Variants in CASD1 observed in about 807,000 individuals in gnomAD.
CASD1 encodes CAS1 domain sialic acid O acetyltransferase 1.
In CASD1, 41 loss-of-function variants were observed where a neutral mutation model predicts 100.0. The observed-to-expected ratio is 0.41, with a 90% CI of 0.32 to 0.53. The LOEUF (loss-of-function observed/expected upper bound fraction) is 0.53. Among genes scored for constraint, CASD1 ranks in the 20% least tolerant of loss-of-function variants. The probability of loss-of-function intolerance (pLI) is 0.25; values close to 1 mark genes in which losing one functional copy is unlikely to be tolerated. For synonymous variants in CASD1, 321 were observed against 315.6 expected, an observed-to-expected ratio of 1.02 and a Z score of -0.18; for missense variants, 774 against 948.7, an observed-to-expected ratio of 0.82 and a Z score of 2.42.
chr7:94,542,274 A>G (rs1278800207), intron 10 of CASD1, among the ~76,000 whole-genome samples: 1 of 152,208 alleles, frequency 6.6e-6, no homozygotes, highest in African/African-American at 2.4e-5. Context: ...CTCTAGAGCT[A>G]GACTCTCTGC....
At position 94,536,219 on chromosome 7, in the gene CASD1, G is replaced by A. The variant is rs141221554; in HGVS notation, c.843+696G>A. Among the ~76,000 whole-genome samples, 213 of 152,168 alleles carry A rather than the reference G, an allele frequency of 1.4e-3. 1 individual carries two copies. The East Asian group carries it at 0.018, about 13-fold the overall frequency. The stretch of plus-strand genomic sequence containing the variant: ...GATCCCGCCACTGCACTCCAGCCTG[G>A]GTGACAGAGAGAGACTCCATCTCAA... On this transcript the variant is annotated intron_variant, in intron 8 of 17. Coordinates refer to ENST00000297273, the MANE Select transcript of CASD1 (RefSeq NM_022900.5).
At chr7:94,597,459 C>T in the CASD1 span, 3 of 152,106 alleles carry the variant, frequency 2.0e-5, no homozygotes, top group Non-Finnish European at 2.9e-5. Flanking sequence ...ACAGAATAAG[C>T]ACTCAATGGG....
intron 1 of CASD1, 133 bp downstream of exon 1, chr7:94,510,350 C>T (rs958980113): frequency 3.5e-5 from 21 of 595,210 alleles, no homozygotes; most frequent in Middle Eastern, 1.1e-3. Flanking sequence ...AGGCGGTTCC[C>T]CCAGGTGTCC....
chr7:94,558,908 T>C (rs965838081), downstream of CASD1, among the ~76,000 whole-genome samples: 5 of 152,104 alleles, frequency 3.3e-5, no homozygotes, highest in South Asian at 2.1e-4. Context: ...CAAGCAATTC[T>C]CCTGCCTCAG....
At chr7:94,547,218 T>A (rs200389651) in intron 13 of CASD1, 43 bp downstream of exon 13, 1 of 1,417,508 alleles carries the variant, frequency 7.1e-7, no homozygotes, top group African/African-American at 1.4e-5. Flanking sequence ...ATATTTTATT[T>A]TAAAGTTCAA....
intron 8 of CASD1, among the ~76,000 whole-genome samples, chr7:94,536,831 A>G (rs925821515): frequency 2.2e-4 from 33 of 152,336 alleles, no homozygotes; most frequent in African/African-American, 7.9e-4. Context: ...ATTTTATTAT[A>G]ATCAAACCAT....
the CASD1 span, among the ~76,000 whole-genome samples, chr7:94,564,158 A>T: frequency 6.6e-6 from 1 of 152,222 alleles, no homozygotes; most frequent in African/African-American, 2.4e-5. Flanking sequence ...TCTGATTAGA[A>T]TGGAAAGAAC....
chr7:94,601,509 ACATTAATTGAGCTG>A, the CASD1 span, among the ~76,000 whole-genome samples: 144 of 147,414 alleles, frequency 9.8e-4, no homozygotes, highest in African/African-American at 3.5e-3. Flanking sequence ...ATTTACCTCC[ACATTAATTGAGCTG>A]CTTTCACTGA....
At chr7:94,561,405 C>G (rs991619771), downstream of CASD1, among the ~76,000 whole-genome samples, 3 of 152,136 alleles carry the variant, frequency 2.0e-5, no homozygotes, top group African/African-American at 7.2e-5. Flanking sequence ...GGAAGAACAT[C>G]AGGAAACCAC....
the CASD1 span, among the ~76,000 whole-genome samples, chr7:94,612,166 A>ATTGAT: frequency 6.6e-6 from 1 of 152,158 alleles, no homozygotes; most frequent in Non-Finnish European, 1.5e-5. Context: ...TAGACAAGAC[A>ATTGAT]TTGATTTGTA....
chr7:94,569,807 TCTGA>T, the CASD1 span, among the ~76,000 whole-genome samples: 1 of 147,574 alleles, frequency 6.8e-6, no homozygotes, highest in Non-Finnish European at 1.5e-5. Context: ...TCTACCAATC[TCTGA>T]CTTTTTTTTT....
the CASD1 span, among the ~76,000 whole-genome samples, chr7:94,564,408 A>C: frequency 1.3e-5 from 2 of 152,270 alleles, no homozygotes; most frequent in African/African-American, 4.8e-5. Flanking sequence ...AATACCTTCC[A>C]TCACCCCTGG....
chr7:94,577,534 A>G, the CASD1 span, among the ~76,000 whole-genome samples: 2 of 152,220 alleles, frequency 1.3e-5, no homozygotes, highest in Admixed American at 6.5e-5. Flanking sequence ...CTGATTGCAC[A>G]GAGACTCAGG....
rs1253047997 is a variant in CASD1, at chr7:94,547,079, A to C, written c.1634-17A>C. On this transcript the variant is annotated splice_polypyrimidine_tract_variant and intron_variant, in intron 12 of 17. Transcript: ENST00000297273. Reference sequence around the variant, plus strand: ...TATAAATTTATTTTTTAGTAAATTAAATATTTTCTCTCTTAGGAAATTGTT... The same window carrying C: ...TATAAATTTATTTTTTAGTAAATTACATATTTTCTCTCTTAGGAAATTGTT... 6.6e-7 allele frequency: 1 copy of C among 1,518,830 alleles called. No individual in the cohort carries two copies. The highest frequency in any genetic ancestry group is 9.0e-7 in the Non-Finnish European group (1 of 1,112,766). 94.1% of individuals were successfully genotyped at this position (1,518,830 alleles called of 1,614,324 possible).
At chr7:94,591,380 A>C in the CASD1 span, among the ~76,000 whole-genome samples, 2 of 152,286 alleles carry the variant, frequency 1.3e-5, no homozygotes, top group East Asian at 3.9e-4. Flanking sequence ...CCTTCTACAC[A>C]TAGGCGCACA....
chr7:94,524,222 T>C (rs1794429891), intron 3 of CASD1: 1 of 152,040 alleles, frequency 6.6e-6, no homozygotes, highest in Non-Finnish European at 1.5e-5. Context: ...AAAGAGTATC[T>C]ATTCACCAAA....
intron 14 of CASD1, 150 bp downstream of exon 14, chr7:94,549,784 A>G (rs773075662): frequency 2.9e-4 from 158 of 541,722 alleles, no homozygotes; most frequent in South Asian, 5.3e-4. Context: ...TACCCCCTGC[A>G]CTCTTTTCTT....
chr7:94,527,783 C>T (rs900630600), intron 4 of CASD1, among the ~76,000 whole-genome samples: 2 of 151,962 alleles, frequency 1.3e-5, no homozygotes, highest in Non-Finnish European at 2.9e-5. Flanking sequence ...TTCCAAGAGC[C>T]GACTGAGGAC....
intron 3 of CASD1, among the ~76,000 whole-genome samples, chr7:94,522,230 A>G (rs926955375): frequency 6.6e-6 from 1 of 152,216 alleles, no homozygotes; most frequent in Admixed American, 6.5e-5. Flanking sequence ...TAAGAAGGAC[A>G]TGGAAAGGTT....
Sources: allele counts gnomAD v4.1 joint callset (sites outside exome capture counted in the v4.1 genomes callset), GRCh38; gene constraint gnomAD v4.1.1; transcripts MANE v1.5; gene names NCBI Gene and HGNC (gene_info 2026-07-23, HGNC 2026-07-21).